Variants in ZFPM2 observed in about 807,000 individuals in gnomAD.
ZFPM2 encodes the protein zinc finger protein, FOG family member 2.
ZFPM2 carries 20 observed loss-of-function variants against 98.6 expected under a neutral mutation model. The observed-to-expected ratio is 0.20, with a 90% CI of 0.14 to 0.29. The LOEUF (loss-of-function observed/expected upper bound fraction) is 0.29, where lower values mean the gene tolerates loss of function less well. Ranked by LOEUF, ZFPM2 falls within the 10% of genes least tolerant of loss-of-function variation. The pLI is 1.00. For synonymous variants in ZFPM2, 518 were observed against 502.7 expected, an observed-to-expected ratio of 1.03 and a Z score of -0.41; for missense variants, 1,310 against 1,388.6, an observed-to-expected ratio of 0.94 and a Z score of 0.90.
chr8:105,323,384 A>C (rs1450417464), intron 1 of ZFPM2, among the ~76,000 whole-genome samples: 1 of 151,800 alleles, frequency 6.6e-6, no homozygotes, highest in Non-Finnish European at 1.5e-5. Context: ...ATGCAAAATA[A>C]TTCTTCTCTT....
At chr8:105,606,177 C>CA (rs1816193122) in intron 4 of ZFPM2, among the ~76,000 whole-genome samples, 1 of 152,008 alleles carries the variant, frequency 6.6e-6, no homozygotes, top group East Asian at 1.9e-4. Flanking sequence ...TGTATGTGTG[C>CA]AAAAACAGAG....
intron 1 of ZFPM2, among the ~76,000 whole-genome samples, chr8:105,366,200 G>GCAACTTCATT (rs1186038532): frequency 6.6e-6 from 1 of 152,094 alleles, no homozygotes; most frequent in African/African-American, 2.4e-5. Flanking sequence ...CATTGTGTGT[G>GCAACTTCATT]GAAGTTACGG....
At chr8:105,510,872 A>C (rs991283212) in intron 3 of ZFPM2, among the ~76,000 whole-genome samples, 1 of 152,208 alleles carries the variant, frequency 6.6e-6, no homozygotes, top group Non-Finnish European at 1.5e-5. Flanking sequence ...GTGTCTCCAA[A>C]GAGGAAGATT....
chr8:105,760,769 A>G (rs1005882199), intron 5 of ZFPM2, among the ~76,000 whole-genome samples: 6 of 152,088 alleles, frequency 3.9e-5, no homozygotes, highest in African/African-American at 1.4e-4. Flanking sequence ...AATAGGTGAT[A>G]GACTTCAACT....
At chr8:105,423,394 C>G (rs978060659) in intron 2 of ZFPM2, among the ~76,000 whole-genome samples, 1 of 152,072 alleles carries the variant, frequency 6.6e-6, no homozygotes, top group Non-Finnish European at 1.5e-5. Flanking sequence ...TAAAAAGATG[C>G]TATTTGAAAT....
At chr8:105,662,799 C>A (rs1817416925) in intron 5 of ZFPM2, 1 of 151,788 alleles carries the variant, frequency 6.6e-6, no homozygotes, top group Admixed American at 6.6e-5. Flanking sequence ...TTGACCACTT[C>A]TTTTGTCCTG....
At chr8:105,502,155 G>A (rs73304118) in intron 3 of ZFPM2, among the ~76,000 whole-genome samples, 11,458 of 152,104 alleles carry the variant, frequency 0.075, 1,394 homozygotes, top group African/African-American at 0.26. Flanking sequence ...GAAAGAGCAA[G>A]TGATATATTA....
At chr8:105,631,954 A>C (rs770072663) in intron 4 of ZFPM2, among the ~76,000 whole-genome samples, 1 of 152,184 alleles carries the variant, frequency 6.6e-6, no homozygotes, top group Non-Finnish European at 1.5e-5. Context: ...TAAAATAATT[A>C]TTTTTCGTGA....
rs183748589 is a variant in ZFPM2 at position 105,788,548 on chromosome 8, A to G, written c.533-170A>G. Among the ~76,000 whole-genome samples, 222 of 152,234 alleles carry G rather than the reference A, an allele frequency of 1.5e-3. 2 individuals carry two copies. Among genetic ancestry groups the G allele is most frequent in the Non-Finnish European group, 3.1e-4 (21 of 68,016 alleles). On this transcript the variant is annotated intron_variant, in intron 5 of 7. Coordinates refer to ENST00000407775, the MANE Select transcript of ZFPM2 (RefSeq NM_012082.4). ...TCGTTCATTTAATGCAAGGAGTACA[A>G]TTTTCCACACAGGAAGCAAGAGGAA...
intron 3 of ZFPM2, among the ~76,000 whole-genome samples, chr8:105,505,137 G>A (rs547107407): frequency 2.6e-5 from 4 of 152,076 alleles, no homozygotes; most frequent in Non-Finnish European, 5.9e-5. Context: ...AGTTCTCTGA[G>A]CCTTCGATTT....
At chr8:105,787,030 C>T (rs1230608792) in intron 5 of ZFPM2, 1 of 152,158 alleles carries the variant, frequency 6.6e-6, no homozygotes, top group Non-Finnish European at 1.5e-5. Context: ...AACTGTATTT[C>T]AGTGGAAAGA....
At chr8:105,755,242 A>G (rs1170546724) in intron 5 of ZFPM2, among the ~76,000 whole-genome samples, 1 of 152,154 alleles carries the variant, frequency 6.6e-6, no homozygotes, top group African/African-American at 2.4e-5. Flanking sequence ...TTGTGCCTGT[A>G]ATAAAACCTC....
At chr8:105,330,634 A>ATG (rs1812215265) in intron 1 of ZFPM2, among the ~76,000 whole-genome samples, 2 of 33,936 alleles carry the variant, frequency 5.9e-5, no homozygotes, top group Non-Finnish European at 1.6e-4. Flanking sequence ...ATATATATAC[A>ATG]TATATATATA....
chr8:105,461,104 T>C lies in ZFPM2; in HGVS notation c.301+16723T>C, dbSNP rs188355527. Among the ~76,000 whole-genome samples the C allele has an allele frequency of 3.1e-3, 475 of 152,178 alleles. 4 individuals are homozygous for C. Among genetic ancestry groups the C allele is most frequent in the African/African-American group, 0.011 (450 of 41,552 alleles). On this transcript the variant is annotated intron_variant, in intron 3 of 7. Coordinates refer to ENST00000407775, the MANE Select transcript of ZFPM2 (RefSeq NM_012082.4). ...AGCTTTACGGCCTAGAAAATGGAAA[T>C]AAATTATTTTAGGAACTCATATAGC...
chr8:105,646,932 A>G (rs1378084090), intron 5 of ZFPM2, among the ~76,000 whole-genome samples: 1 of 152,148 alleles, frequency 6.6e-6, no homozygotes, highest in African/African-American at 2.4e-5. Flanking sequence ...CCAAAGATTA[A>G]ACCTCCATCT....
In ZFPM2 at chr8:105,640,259, GT is replaced by G. The variant is rs558215760; in HGVS notation, c.532+5904del. ...GCCATTTACTAAGCCAAGGTTACAG[GT>G]TATTGCCTTTCTTTGCAAATTTGCA... On this transcript the variant is annotated intron_variant, in intron 5 of 7. Transcript: ENST00000407775. 1.4e-3 allele frequency among the ~76,000 whole-genome samples: 210 copies of G among 152,030 alleles called. 1 individual carries two copies. The highest frequency in any genetic ancestry group is 6.8e-3 in the Middle Eastern group (2 of 294).
At chr8:105,353,900 A>G (rs1285047957) in intron 1 of ZFPM2, among the ~76,000 whole-genome samples, 1 of 152,194 alleles carries the variant, frequency 6.6e-6, no homozygotes, top group Non-Finnish European at 1.5e-5. Context: ...AACTTGTAGT[A>G]TGTTTTAAAA....
chr8:105,520,117 A>T (rs948163026), intron 3 of ZFPM2, among the ~76,000 whole-genome samples: 2 of 152,206 alleles, frequency 1.3e-5, no homozygotes, highest in East Asian at 3.9e-4. Context: ...TAACTATTCA[A>T]TTGATGAAAG....
chr8:105,537,414 G>A (rs1458066004), intron 3 of ZFPM2, among the ~76,000 whole-genome samples: 2 of 152,204 alleles, frequency 1.3e-5, no homozygotes, highest in Middle Eastern at 3.2e-3. Context: ...GGTGGCTTAT[G>A]TCTGTAATCC....
Sources: allele counts gnomAD v4.1 joint callset (sites outside exome capture counted in the v4.1 genomes callset), GRCh38; gene constraint gnomAD v4.1.1; transcripts MANE v1.5; gene names NCBI Gene and HGNC (gene_info 2026-07-23, HGNC 2026-07-21).